The following PPP1R3A variants were observed in gnomAD, a reference collection of about 807,000 sequenced individuals.
PPP1R3A encodes protein phosphatase 1 regulatory subunit 3A, also known as RG1.
In PPP1R3A, 29 loss-of-function variants were observed where a neutral mutation model predicts 41.7. The ratio of observed to expected loss-of-function variants is 0.70; its 90% confidence interval spans 0.52 to 0.95. PPP1R3A has a LOEUF of 0.95. Ranked by LOEUF, PPP1R3A falls within the 40% of genes least tolerant of loss-of-function variation. The pLI is 0.00. For synonymous variants in PPP1R3A, 485 were observed against 453.4 expected, an observed-to-expected ratio of 1.07 and a Z score of -0.89; for missense variants, 1,352 against 1,292.4, an observed-to-expected ratio of 1.05 and a Z score of -0.71.
chr7:113,914,898 T>C (rs929958578), intron 1 of PPP1R3A, among the ~76,000 whole-genome samples: 1 of 152,118 alleles, frequency 6.6e-6, no homozygotes, highest in African/African-American at 2.4e-5. Flanking sequence ...ACTTTGAGGT[T>C]ATATTGTTTT....
chr7:113,903,947 A>C (rs1035801896), intron 1 of PPP1R3A, among the ~76,000 whole-genome samples: 8 of 151,600 alleles, frequency 5.3e-5, no homozygotes, highest in African/African-American at 1.9e-4. Flanking sequence ...AAATTTTACC[A>C]TTTGCAGGTC....
chr7:113,898,962 T>C (rs573711982), intron 1 of PPP1R3A, among the ~76,000 whole-genome samples: 6 of 151,952 alleles, frequency 3.9e-5, no homozygotes, highest in African/African-American at 1.4e-4. Flanking sequence ...CATTAAAATG[T>C]AATCATCAGG....
At chr7:113,896,172 G>T (rs144578980) in intron 1 of PPP1R3A, among the ~76,000 whole-genome samples, 2 of 151,844 alleles carry the variant, frequency 1.3e-5, no homozygotes. Context: ...AAGCACTGAG[G>T]CATACCTCAC....
In PPP1R3A at chr7:113,877,930, A is replaced by G. The variant is rs1382669467; in HGVS notation, c.3162T>C (p.Leu1054=). Reference sequence around the variant, plus strand: ...CTTGAGCTTGACTTTCCTCAACAGGAAGACTAGTAGAAGCAGAGCTGTCAG... The same window carrying G: ...CTTGAGCTTGACTTTCCTCAACAGGGAGACTAGTAGAAGCAGAGCTGTCAG... ...KESDSSASTS[L]PVEESQAQGN... Residue 1054 remains leucine, a synonymous_variant, in exon 4 of 4, where the codon CTT becomes CTC. Coordinates refer to ENST00000284601, the MANE Select transcript of PPP1R3A (RefSeq NM_002711.4). 5.6e-6 allele frequency: 9 copies of G among 1,613,428 alleles called. No homozygotes were observed. The highest frequency in any genetic ancestry group is 1.1e-5 in the South Asian group (1 of 91,076).
At chr7:113,893,556 T>G (rs1415055670) in intron 1 of PPP1R3A, among the ~76,000 whole-genome samples, 3 of 151,988 alleles carry the variant, frequency 2.0e-5, no homozygotes, top group African/African-American at 7.2e-5. Flanking sequence ...GAAAAATACA[T>G]CGAATATACC....
chr7:113,895,856 A>C (rs1048989781), intron 1 of PPP1R3A, among the ~76,000 whole-genome samples: 2 of 151,934 alleles, frequency 1.3e-5, no homozygotes, highest in Admixed American at 6.6e-5. Context: ...TTCTAAATTT[A>C]ATGCTTTGAT....
chr7:113,900,712 T>C (rs1230371585), intron 1 of PPP1R3A, among the ~76,000 whole-genome samples: 1 of 148,402 alleles, frequency 6.7e-6, no homozygotes, highest in African/African-American at 2.5e-5. Flanking sequence ...ATATATACAG[T>C]GCTATACATG....
chr7:113,886,245 C>T (rs777789313), intron 1 of PPP1R3A, among the ~76,000 whole-genome samples: 1 of 151,968 alleles, frequency 6.6e-6, no homozygotes, highest in Non-Finnish European at 1.5e-5. Context: ...ACTGTAACTC[C>T]CACAATTCCC....
intron 1 of PPP1R3A, among the ~76,000 whole-genome samples, chr7:113,883,437 A>G (rs889709628): frequency 6.6e-6 from 1 of 152,038 alleles, no homozygotes; most frequent in African/African-American, 2.4e-5. Context: ...TGACCATGCA[A>G]GAAGATAATT....
chr7:113,909,107 C>G (rs1797197348), intron 1 of PPP1R3A, among the ~76,000 whole-genome samples: 1 of 151,754 alleles, frequency 6.6e-6, no homozygotes, highest in African/African-American at 2.4e-5. Context: ...TGTAACAAAC[C>G]TGCACATGGA....
In PPP1R3A at chr7:113,878,641, C is replaced by T; in HGVS notation, c.2451G>A (p.Met817Ile). 2 of 1,613,216 alleles carry T rather than the reference C, an allele frequency of 1.2e-6. No individual in the cohort carries two copies. Among genetic ancestry groups the T allele is most frequent in the Non-Finnish European group, 1.7e-6 (2 of 1,179,562 alleles). ...LGICNVRVDE[M>I]EKEETMSMYN... ...ACATAGACATGGTTTCTTCCTTCTC[C>T]ATTTCATCTACACGTACATTACAAA... The change falls in exon 4 of 4, where the codon ATG becomes ATA. Residue 817 changes from methionine (M) to isoleucine (I), a missense_variant. Physicochemically the swap from Met to Ile is conservative, Grantham distance 10. Coordinates refer to ENST00000284601, the MANE Select transcript of PPP1R3A (RefSeq NM_002711.4).
intron 1 of PPP1R3A, among the ~76,000 whole-genome samples, chr7:113,885,358 T>C (rs1796765357): frequency 6.6e-6 from 1 of 152,172 alleles, no homozygotes; most frequent in African/African-American, 2.4e-5. Flanking sequence ...CCAGGCTTTC[T>C]TGTACATTGC....
chr7:113,902,802 A>T (rs927198452), intron 1 of PPP1R3A, among the ~76,000 whole-genome samples: 1 of 151,948 alleles, frequency 6.6e-6, no homozygotes, highest in Non-Finnish European at 1.5e-5. Context: ...CTTATAATTT[A>T]TTATTAGTTT....
intron 1 of PPP1R3A, among the ~76,000 whole-genome samples, chr7:113,884,261 A>T (rs1393191363): frequency 6.6e-6 from 1 of 152,096 alleles, no homozygotes. Context: ...TTTTTATAGA[A>T]TTTGAAAATA....
chr7:113,891,525 A>G (rs1167986665), intron 1 of PPP1R3A, among the ~76,000 whole-genome samples: 5 of 152,084 alleles, frequency 3.3e-5, no homozygotes, highest in Admixed American at 1.3e-4. Flanking sequence ...TTATCAGAAG[A>G]GCACCCTTCA....
In PPP1R3A at chr7:113,878,735, G is replaced by T. The variant is rs145764035; in HGVS notation, c.2357C>A (p.Thr786Asn). ...HEGRNDDSHY[T>N]LCQRDTVGVI... ...ACCTACTGTATCTCGTTGACAAAGG[G>T]TATAATGTGAATCATCATTTCTCCC... The change falls in exon 4 of 4, where the codon ACC (threonine) becomes AAC (asparagine). Residue 786 changes from threonine to asparagine, a missense_variant. By Grantham distance (65) the Thr-to-Asn change is moderately conservative. Transcript: ENST00000284601. 20 of 1,613,222 alleles carry T rather than the reference G, an allele frequency of 1.2e-5. No individual in the cohort carries two copies. Among genetic ancestry groups the T allele is most frequent in the Non-Finnish European group, 1.5e-5 (18 of 1,179,644 alleles).
rs374168598 is a variant in PPP1R3A at position 113,912,609 on chromosome 7, G to A, written c.782+5606C>T. Among the ~76,000 whole-genome samples, 61 of 152,212 alleles carry A rather than the reference G, an allele frequency of 4.0e-4. No individual in the cohort carries two copies. In the South Asian group the frequency reaches 5.4e-3, roughly 13 times the overall value. ...GTTGAGGGGTAGGGGTAAAAACCTG[G>A]AATAGGGATGAGAGTCACAGTTAGC... is the stretch of plus-strand genomic sequence containing the variant. On this transcript the variant is annotated intron_variant, in intron 1 of 3. Transcript: ENST00000284601.
chr7:113,888,147 A>T (rs1340135613), intron 1 of PPP1R3A, among the ~76,000 whole-genome samples: 1 of 152,154 alleles, frequency 6.6e-6, no homozygotes, highest in Non-Finnish European at 1.5e-5. Flanking sequence ...AGTTCAAGCC[A>T]GATTGTAAAG....
intron 1 of PPP1R3A, among the ~76,000 whole-genome samples, chr7:113,917,717 A>T (rs1401661154): frequency 2.0e-5 from 3 of 152,080 alleles, no homozygotes; most frequent in Admixed American, 6.6e-5. Flanking sequence ...CACTTCAAAC[A>T]TCCCTGTATA....
Sources: gnomAD v4.1 joint callset for allele counts (sites outside exome capture counted in the v4.1 genomes callset) on GRCh38, gnomAD v4.1.1 for gene constraint, MANE v1.5 for transcripts, NCBI Gene and HGNC (gene_info 2026-07-23, HGNC 2026-07-21) for gene names.